LINGO2: variants seen among roughly 807,000 people sequenced by gnomAD.
LINGO2 encodes leucine-rich repeat and immunoglobulin-like domain-containing nogo receptor-interacting protein 2.
A neutral mutation model predicts 30.6 loss-of-function variants in LINGO2; 14 were observed. The ratio of observed to expected loss-of-function variants is 0.46; its 90% confidence interval spans 0.30 to 0.72. LINGO2 has a LOEUF of 0.72. Among genes scored for constraint, LINGO2 ranks in the 30% least tolerant of loss-of-function variants. LINGO2 has a pLI of 0.07. For synonymous variants in LINGO2, 317 were observed against 288.5 expected (o/e 1.10, Z -1.00); for missense variants, 729 against 751.7 (o/e 0.97, Z 0.35).
At chr9:28,658,167 A>G (rs1828439910) in intron 1 of LINGO2, among the ~76,000 whole-genome samples, 1 of 152,072 alleles carries the variant, frequency 6.6e-6, no homozygotes. Flanking sequence ...TACCTAATAT[A>G]TGGTCTATCC....
intron 4 of LINGO2, among the ~76,000 whole-genome samples, chr9:28,154,753 TATC>T (rs1828088272): frequency 6.6e-6 from 1 of 152,194 alleles, no homozygotes; most frequent in African/African-American, 2.4e-5. Context: ...GAGATAATAA[TATC>T]ATCCTAGTAA....
At chr9:28,790,868 C>T in the LINGO2 span, among the ~76,000 whole-genome samples, 47 of 152,158 alleles carry the variant, frequency 3.1e-4, no homozygotes, top group Non-Finnish European at 6.0e-4. Context: ...ATATTATCTG[C>T]AGTTTCAGGT....
chr9:29,039,045 G>A, the LINGO2 span, among the ~76,000 whole-genome samples: 1 of 152,114 alleles, frequency 6.6e-6, no homozygotes, highest in Non-Finnish European at 1.5e-5. Context: ...ATTATAGACT[G>A]TCTTTTCAGG....
At chr9:29,005,136 TATAAA>T in the LINGO2 span, among the ~76,000 whole-genome samples, 375 of 152,138 alleles carry the variant, frequency 2.5e-3, 1 homozygote, top group African/African-American at 8.4e-3. Flanking sequence ...TTATTGCCAA[TATAAA>T]ATGCATTATT....
the LINGO2 span, among the ~76,000 whole-genome samples, chr9:28,953,302 T>A: frequency 6.6e-6 from 1 of 152,142 alleles, no homozygotes; most frequent in African/African-American, 2.4e-5. Flanking sequence ...TTGTCTTATA[T>A]CAGTGCTCAA....
chr9:28,324,371 A>C (rs10757725), intron 3 of LINGO2, among the ~76,000 whole-genome samples: 77,912 of 152,038 alleles, frequency 0.51, 22,507 homozygotes, highest in Non-Finnish European at 0.67. Context: ...GTGTTTGAAC[A>C]AGAGCAACTC....
intron 1 of LINGO2, among the ~76,000 whole-genome samples, chr9:28,546,100 T>C (rs577456495): frequency 2.6e-5 from 4 of 152,164 alleles, no homozygotes; most frequent in African/African-American, 9.6e-5. Context: ...GAACCAGTGG[T>C]ACTCTTTACC....
chr9:28,462,327 A>G (rs976837006), intron 2 of LINGO2, among the ~76,000 whole-genome samples: 2 of 151,788 alleles, frequency 1.3e-5, no homozygotes, highest in African/African-American at 2.4e-5. Context: ...ATTTTTTTAC[A>G]AATAAAACAA....
At chr9:28,771,236 T>C in the LINGO2 span, among the ~76,000 whole-genome samples, 3 of 151,224 alleles carry the variant, frequency 2.0e-5, no homozygotes, top group Admixed American at 6.6e-5. Context: ...TAAATCACAA[T>C]CAATGGGAAT....
chr9:28,237,643 A>C (rs1175818232), intron 4 of LINGO2, among the ~76,000 whole-genome samples: 1 of 152,186 alleles, frequency 6.6e-6, no homozygotes, highest in East Asian at 1.9e-4. Flanking sequence ...TCACAAGATC[A>C]GGAGTTCAAG....
chr9:27,981,546 A>AG (rs1820861779), intron 5 of LINGO2, among the ~76,000 whole-genome samples: 1 of 121,684 alleles, frequency 8.2e-6, no homozygotes, highest in Non-Finnish European at 1.7e-5. Flanking sequence ...AAAAAAAAAA[A>AG]AAAAGAAAAA....
the LINGO2 span, among the ~76,000 whole-genome samples, chr9:29,126,401 T>A: frequency 6.6e-6 from 1 of 152,142 alleles, no homozygotes; most frequent in Admixed American, 6.6e-5. Context: ...TATAGCAGTG[T>A]GTGACACACA....
At chr9:28,473,532 C>CA (rs1356678182) in intron 2 of LINGO2, among the ~76,000 whole-genome samples, 3 of 152,020 alleles carry the variant, frequency 2.0e-5, no homozygotes, top group Non-Finnish European at 2.9e-5. Flanking sequence ...TTTCCCGGGA[C>CA]ATACTGCATT....
chr9:28,356,734 T>C (rs559221548), intron 3 of LINGO2, among the ~76,000 whole-genome samples: 2 of 152,202 alleles, frequency 1.3e-5, no homozygotes, highest in East Asian at 1.9e-4. Context: ...CCATGACAGG[T>C]GGTCACTTCT....
intron 4 of LINGO2, among the ~76,000 whole-genome samples, chr9:28,046,328 A>T (rs1824420969): frequency 6.6e-6 from 1 of 152,172 alleles, no homozygotes; most frequent in Admixed American, 6.5e-5. Context: ...CTTAGCCTGT[A>T]TCAGAAGCAT....
At chr9:28,617,445 A>G (rs1045610072) in intron 1 of LINGO2, among the ~76,000 whole-genome samples, 31 of 151,618 alleles carry the variant, frequency 2.0e-4, no homozygotes, top group South Asian at 1.7e-3. Context: ...ACAGGCGCCC[A>G]CCACCACTCC....
the LINGO2 span, among the ~76,000 whole-genome samples, chr9:29,120,108 A>G: frequency 6.6e-6 from 1 of 152,144 alleles, no homozygotes; most frequent in Non-Finnish European, 1.5e-5. Flanking sequence ...TGTTATACTC[A>G]TGTATTTTGA....
At chr9:28,054,996 A>G (rs1334866821) in intron 4 of LINGO2, among the ~76,000 whole-genome samples, 1 of 151,746 alleles carries the variant, frequency 6.6e-6, no homozygotes. Flanking sequence ...CTGAAATTTA[A>G]TTTGCTTTCT....
chr9:28,421,676 A>T (rs979871274), intron 2 of LINGO2, among the ~76,000 whole-genome samples: 2 of 152,120 alleles, frequency 1.3e-5, no homozygotes, highest in Non-Finnish European at 2.9e-5. Context: ...CAAGGATTTT[A>T]CATTCCATGA....
Sources: gnomAD v4.1 joint callset for allele counts (sites outside exome capture counted in the v4.1 genomes callset) on GRCh38, gnomAD v4.1.1 for gene constraint, MANE v1.5 for transcripts, NCBI Gene and HGNC (gene_info 2026-07-23, HGNC 2026-07-21) for gene names.